CCNH: variants seen among roughly 807,000 people sequenced by gnomAD.
CCNH encodes the protein cyclin-H.
In CCNH, 31 loss-of-function variants were observed where a neutral mutation model predicts 41.9. The ratio of observed to expected loss-of-function variants is 0.74; its 90% CI spans 0.56 to 1.00. The LOEUF (loss-of-function observed/expected upper bound fraction) is 1.00, where lower values mean the gene tolerates loss of function less well. Among genes scored for constraint, CCNH ranks in the 50% least tolerant of loss-of-function variants. The pLI, the probability that CCNH is intolerant of heterozygous loss-of-function variation, is 0.00. For missense variants in CCNH, 362 were observed against 388.4 expected, an observed-to-expected ratio of 0.93 and a Z score of 0.57; for synonymous variants, 138 against 136.1, an observed-to-expected ratio of 1.01 and a Z score of -0.10.
At chr5:87,411,450 A>T (rs1192022736) in intron 1 of CCNH, 104 bp from the exon 2 acceptor site, 5 of 1,055,454 alleles carry the variant, frequency 4.7e-6, no homozygotes, top group Non-Finnish European at 6.7e-6. Context: ...ATATCCAACG[A>T]AGGGTATATA....
rs1175794713 is a variant in CCNH at position 87,399,376 on chromosome 5, A to G, written c.872+18T>C. 6.5e-7 allele frequency: 1 copy of G among 1,539,750 alleles called. No homozygotes were observed. The highest frequency in any genetic ancestry group is 1.7e-5 in the Admixed American group (1 of 59,902). On this transcript the variant is annotated intron_variant, in intron 7 of 8. Coordinates refer to ENST00000256897, the MANE Select transcript of CCNH (RefSeq NM_001239.4). ...ATAACAGTTATGTCTATTGATTAAC[A>G]CTGTCACATTAACTTACGTGATTAC...
chr5:87,317,118 T>C (rs191228827), downstream of CCNH, among the ~76,000 whole-genome samples: 8 of 152,224 alleles, frequency 5.3e-5, no homozygotes, highest in African/African-American at 1.9e-4. Context: ...CCCGGCCTCA[T>C]GTGATCTGCC....
At chr5:87,399,204 G>C (rs1763200233) in intron 7 of CCNH, among the ~76,000 whole-genome samples, 190 bp downstream of exon 7, 1 of 152,132 alleles carries the variant, frequency 6.6e-6, no homozygotes, top group Non-Finnish European at 1.5e-5. Flanking sequence ...GTCACAGCAG[G>C]ATCAGAACTG....
At chr5:87,407,460 C>T (rs1561355051) in intron 4 of CCNH, among the ~76,000 whole-genome samples, 1 of 152,144 alleles carries the variant, frequency 6.6e-6, no homozygotes, top group African/African-American at 2.4e-5. Context: ...TAGAGCCAAA[C>T]AAAACAACTT....
At chr5:87,412,293 TC>T (rs576879175) in intron 1 of CCNH, 2 of 493,806 alleles carry the variant, frequency 4.1e-6, no homozygotes, top group Admixed American at 1.0e-4. Context: ...CTGACCTCCC[TC>T]CCACTCTGAA....
At chr5:87,349,448 T>C (rs549330728) in intron 9 of CCNH, 27 of 1,463,962 alleles carry the variant, frequency 1.8e-5, no homozygotes, top group Admixed American at 6.1e-5. Flanking sequence ...GTCAAAATTA[T>C]ATAAAAGTTT....
chr5:87,331,574 A>G, intron 9 of CCNH: 1 of 1,472,952 alleles, frequency 6.8e-7, no homozygotes, highest in Non-Finnish European at 9.4e-7. Flanking sequence ...ATACCTGTAT[A>G]ATAAAGGTGA....
chr5:87,349,192 A>G, intron 9 of CCNH: 2 of 1,610,282 alleles, frequency 1.2e-6, no homozygotes, highest in Non-Finnish European at 1.7e-6. Flanking sequence ...TTAGGGAAAA[A>G]CTAACAGCTT....
rs528979192 is a variant in CCNH, at chr5:87,338,117, T to G, written c.*91-19220A>C. On this transcript the variant is annotated intron_variant and NMD_transcript_variant, in intron 9 of 9. Coordinates refer to the CCNH transcript ENST00000645953. Reference sequence around the variant, plus strand: ...GTAAGTTTTGTTCTTTTCTTCTCAATTCTAGATTCTAAATATTTTATAAAT... The same window carrying G: ...GTAAGTTTTGTTCTTTTCTTCTCAAGTCTAGATTCTAAATATTTTATAAAT... 6 of 1,610,712 alleles carry G rather than the reference T, an allele frequency of 3.7e-6. No individual in the cohort carries two copies. The South Asian group carries it at 6.6e-5, about 18-fold the overall frequency.
chr5:87,345,938 T>G (rs1374532462), intron 9 of CCNH, among the ~76,000 whole-genome samples: 3 of 152,156 alleles, frequency 2.0e-5, no homozygotes, highest in Non-Finnish European at 2.9e-5. Flanking sequence ...GGTGATTTTA[T>G]GTACTTTGAT....
chr5:87,357,261 G>A (rs1759722295), intron 9 of CCNH, among the ~76,000 whole-genome samples: 1 of 151,682 alleles, frequency 6.6e-6, no homozygotes, highest in South Asian at 2.1e-4. Context: ...TTATATATGT[G>A]TATTTTTTAA....
intron 5 of CCNH, 66 bp from the exon 6 acceptor site, chr5:87,401,838 A>G: frequency 1.0e-6 from 1 of 997,720 alleles, no homozygotes; most frequent in Non-Finnish European, 1.4e-6. Flanking sequence ...ATGACATCAT[A>G]AATTATTTTC....
downstream of CCNH, chr5:87,374,457 ATATT>A (rs1257530188): frequency 2.5e-4 from 61 of 243,792 alleles, no homozygotes; most frequent in Middle Eastern, 1.6e-3. Flanking sequence ...ATATATATAT[ATATT>A]TTTTTTTTTT....
chr5:87,326,749 G>A (rs966193583), intron 9 of CCNH, among the ~76,000 whole-genome samples: 4 of 152,122 alleles, frequency 2.6e-5, no homozygotes, highest in African/African-American at 9.7e-5. Context: ...GAGTTGCCAG[G>A]TGAAATAGAA....
intron 9 of CCNH, chr5:87,341,148 A>T: frequency 2.2e-6 from 1 of 460,402 alleles, no homozygotes; most frequent in Non-Finnish European, 3.5e-6. Flanking sequence ...AAAGATATTT[A>T]CTGAACAGAA....
intron 9 of CCNH, among the ~76,000 whole-genome samples, chr5:87,365,938 A>C (rs1469868243): frequency 6.6e-6 from 1 of 152,162 alleles, no homozygotes; most frequent in Non-Finnish European, 1.5e-5. Flanking sequence ...TGGAGGCTGT[A>C]ATAAAATCTA....
At chr5:87,376,177 C>T (rs975127817), downstream of CCNH, 5 of 595,272 alleles carry the variant, frequency 8.4e-6, no homozygotes, top group African/African-American at 9.3e-5. Flanking sequence ...AAGAACACAT[C>T]TCAATCATCT....
In CCNH at chr5:87,338,536, AT is replaced by A. The variant is rs1232583853; in HGVS notation, c.*91-19640del. Among the ~76,000 whole-genome samples, 16 of 85,220 alleles carry A rather than the reference AT, an allele frequency of 1.9e-4. 1 individual carries two copies. The highest frequency in any genetic ancestry group is 5.2e-4 in the Admixed American group (4 of 7,722). 55.9% of individuals were successfully genotyped at this position (85,220 alleles called of 152,430 possible). A position where few individuals can be genotyped will look rare whatever the true frequency, so the allele number is the denominator to read the frequency against. On this transcript the variant is annotated intron_variant and NMD_transcript_variant, in intron 9 of 9. Coordinates refer to the CCNH transcript ENST00000645953. ...ATATATATATATATATATATATAAAATTTTTTTTTTTTTTAAGTAGAAATGG... is the reference window on the plus strand; with the variant it reads ...ATATATATATATATATATATATAAAATTTTTTTTTTTTTAAGTAGAAATGG...
chr5:87,337,595 G>A (rs181538679), intron 9 of CCNH, among the ~76,000 whole-genome samples: 24 of 152,150 alleles, frequency 1.6e-4, no homozygotes, highest in Non-Finnish European at 5.9e-5. Context: ...ACATCTGAAA[G>A]AGTAATAACA....
Sources: gnomAD v4.1 joint callset for allele counts (sites outside exome capture counted in the v4.1 genomes callset) on GRCh38, gnomAD v4.1.1 for gene constraint, MANE v1.5 for transcripts, NCBI Gene and HGNC (gene_info 2026-07-23, HGNC 2026-07-21) for gene names.